The following LOC400499 variants were observed in gnomAD, a reference collection of about 807,000 sequenced individuals.
the LOC400499 span, chr16:11,431,089 G>T: frequency 2.5e-6 from 1 of 399,028 alleles, no homozygotes; most frequent in South Asian, 1.3e-4. Flanking sequence ...CAGGAGGCGG[G>T]GCATCGCTGC....
At chr16:11,414,202 CTT>C in the LOC400499 span, 154 of 398,104 alleles carry the variant, frequency 3.9e-4, no homozygotes, top group East Asian at 5.5e-3. Flanking sequence ...TGAATGAAGC[CTT>C]TGTAAATTGT....
chr16:11,526,331 G>A, the LOC400499 span, among the ~76,000 whole-genome samples: 3 of 152,194 alleles, frequency 2.0e-5, no homozygotes, highest in African/African-American at 7.2e-5. Context: ...AGCACTCTGG[G>A]AGGATCACTT....
chr16:11,385,500 G>T, the LOC400499 span: 3 of 973,586 alleles, frequency 3.1e-6, no homozygotes, highest in African/African-American at 3.4e-5. Context: ...TGGGTGCCCC[G>T]GATGCCTAGA....
At chr16:11,501,014 C>T in the LOC400499 span, 1 of 398,850 alleles carries the variant, frequency 2.5e-6, no homozygotes, top group Non-Finnish European at 4.4e-6. Flanking sequence ...GCCTGCAAAG[C>T]TCATCTCACC....
At chr16:11,375,673 G>A in the LOC400499 span, among the ~76,000 whole-genome samples, 10 of 150,932 alleles carry the variant, frequency 6.6e-5, no homozygotes, top group East Asian at 1.7e-3. Flanking sequence ...ATCTTTTTAT[G>A]TGCTTATTGG....
At chr16:11,457,082 C>T in the LOC400499 span, 2 of 1,477,222 alleles carry the variant, frequency 1.4e-6, no homozygotes, top group East Asian at 2.5e-5. Context: ...GGGATCATGC[C>T]ACCCCTGGCG....
At chr16:11,432,231 C>T in the LOC400499 span, among the ~76,000 whole-genome samples, 1 of 152,228 alleles carries the variant, frequency 6.6e-6, no homozygotes, top group African/African-American at 2.4e-5. Context: ...CTGCCAAAGC[C>T]ACACAGAACA....
chr16:11,521,984 C>A, the LOC400499 span: 2 of 399,230 alleles, frequency 5.0e-6, no homozygotes, highest in African/African-American at 4.1e-5. Context: ...CCAAGCACAT[C>A]AAGGACAGCC....
At chr16:11,383,769 T>G in the LOC400499 span, 1 of 1,232,100 alleles carries the variant, frequency 8.1e-7, no homozygotes, top group Non-Finnish European at 1.0e-6. Context: ...GGCTGAGGAA[T>G]GGTGTAGGGT....
the LOC400499 span, among the ~76,000 whole-genome samples, chr16:11,483,392 A>G: frequency 6.6e-6 from 1 of 152,222 alleles, no homozygotes; most frequent in African/African-American, 2.4e-5. Flanking sequence ...AAACCCTGGA[A>G]ACAGCTCGAA....
At chr16:11,473,774 T>C in the LOC400499 span, among the ~76,000 whole-genome samples, 3 of 151,066 alleles carry the variant, frequency 2.0e-5, no homozygotes, top group Admixed American at 6.6e-5. Context: ...AAAAAAGTTA[T>C]GCGATATGTC....
At chr16:11,480,746 T>C in the LOC400499 span, among the ~76,000 whole-genome samples, 5 of 152,202 alleles carry the variant, frequency 3.3e-5, no homozygotes, top group African/African-American at 1.2e-4. Context: ...AGAGTCTTCA[T>C]AGCACTGTAT....
At chr16:11,439,146 G>C in the LOC400499 span, among the ~76,000 whole-genome samples, 48 of 152,186 alleles carry the variant, frequency 3.2e-4, no homozygotes, top group African/African-American at 1.1e-3. Flanking sequence ...AAATGCCCCG[G>C]GTCAACAAAG....
chr16:11,446,175 G>C, the LOC400499 span, among the ~76,000 whole-genome samples: 1 of 151,920 alleles, frequency 6.6e-6, no homozygotes, highest in Non-Finnish European at 1.5e-5. Context: ...TGGTGTCTGA[G>C]TCTTGCTCTG....
At chr16:11,411,501 T>C in the LOC400499 span, among the ~76,000 whole-genome samples, 1 of 152,226 alleles carries the variant, frequency 6.6e-6, no homozygotes, top group African/African-American at 2.4e-5. Context: ...GGCCATACGG[T>C]GCCCTGGTTA....
At chr16:11,498,801 G>C in the LOC400499 span, among the ~76,000 whole-genome samples, 36 of 151,676 alleles carry the variant, frequency 2.4e-4, no homozygotes, top group African/African-American at 8.5e-4. Flanking sequence ...GCTCAGTGCT[G>C]TGTCCCAGAC....
chr16:11,375,125 G>A, the LOC400499 span, among the ~76,000 whole-genome samples: 5 of 149,842 alleles, frequency 3.3e-5, 1 homozygote, highest in African/African-American at 1.2e-4. Flanking sequence ...TGGGATTACA[G>A]GTGTGAGCCA....
the LOC400499 span, chr16:11,424,483 T>G: frequency 2.5e-6 from 1 of 397,988 alleles, no homozygotes; most frequent in Non-Finnish European, 4.4e-6. Context: ...CTGAGCCCCA[T>G]AGCTCCAGGT....
the LOC400499 span, chr16:11,413,032 G>A: frequency 3.8e-4 from 151 of 398,146 alleles, 1 homozygote; most frequent in East Asian, 5.1e-3. Context: ...GACCCCAGCC[G>A]AGCTCTATAG....
Sources: gnomAD v4.1 joint callset for allele counts (sites outside exome capture counted in the v4.1 genomes callset) on GRCh38, gnomAD v4.1.1 for gene constraint, MANE v1.5 for transcripts.